The following LRP1B variants were observed in gnomAD, a reference collection of about 807,000 sequenced individuals.
LRP1B encodes the protein LDL receptor related protein 1B.
LRP1B carries 217 observed loss-of-function variants against 556.6 expected under a neutral mutation model. That is an observed-to-expected ratio of 0.39 (90% CI 0.35 to 0.44). The LOEUF (loss-of-function observed/expected upper bound fraction) is 0.44. Ranked by LOEUF, LRP1B falls within the 20% of genes least tolerant of loss-of-function variation. The pLI, the probability that LRP1B is intolerant of heterozygous loss-of-function variation, is 1.00. For synonymous variants in LRP1B, 2,047 were observed against 1,865.8 expected (o/e 1.10, Z -2.50); for missense variants, 5,053 against 5,620.8 (o/e 0.90, Z 3.23).
intron 1 of LRP1B, among the ~76,000 whole-genome samples, chr2:142,080,449 C>T (rs969833387): frequency 1.3e-4 from 20 of 151,926 alleles, no homozygotes; most frequent in South Asian, 2.1e-4. Context: ...ATTCACATTT[C>T]GGTCTTTGTC....
chr2:140,728,765 C>A (rs1687679533), intron 35 of LRP1B, among the ~76,000 whole-genome samples: 1 of 151,978 alleles, frequency 6.6e-6, no homozygotes, highest in Non-Finnish European at 1.5e-5. Context: ...TGACTAAAGC[C>A]TTAGATATTG....
chr2:140,736,843 C>T (rs907251462), intron 35 of LRP1B, among the ~76,000 whole-genome samples: 1 of 152,122 alleles, frequency 6.6e-6, no homozygotes, highest in Admixed American at 6.6e-5. Flanking sequence ...CTTCTCACCC[C>T]CTACTGCCTG....
intron 2 of LRP1B, among the ~76,000 whole-genome samples, chr2:141,504,624 T>G (rs1683854067): frequency 6.6e-6 from 1 of 152,046 alleles, no homozygotes; most frequent in African/African-American, 2.4e-5. Context: ...ATCTACAATG[T>G]GGGTGCCCAA....
chr2:141,981,493 G>T (rs1225732877), intron 1 of LRP1B, among the ~76,000 whole-genome samples: 2 of 152,056 alleles, frequency 1.3e-5, no homozygotes, highest in Non-Finnish European at 2.9e-5. Flanking sequence ...AGTTAAGAGG[G>T]GTCCAGAGAA....
chr2:140,791,551 G>T (rs1314944110), intron 32 of LRP1B, among the ~76,000 whole-genome samples: 3 of 152,162 alleles, frequency 2.0e-5, no homozygotes, highest in African/African-American at 7.2e-5. Flanking sequence ...ATGTTATTTT[G>T]TCCTGATAGA....
intron 3 of LRP1B, among the ~76,000 whole-genome samples, chr2:141,480,159 T>TTTTG (rs1166817357): frequency 1.2e-4 from 18 of 149,970 alleles, no homozygotes; most frequent in African/African-American, 2.7e-4. Context: ...AAGTCTAAAT[T>TTTTG]TGTGTGTGTG....
chr2:140,492,685 G>A lies in LRP1B; in HGVS notation c.9043C>T (p.Pro3015Ser), dbSNP rs1425759451. Residue 3015 changes from proline to serine, a missense_variant, in exon 57 of 91, where the codon CCT (proline) becomes TCT (serine). Pro to Ser is a moderately conservative substitution (Grantham distance 74). Transcript: ENST00000389484. ...TGATGATCAGCAAGAATTAAAAAAG[G>A]TTCTTCATCTAAACACCAACACAAA... ...NGCKSLSDEE[P>S]FLILADHHEI... is the part of the protein sequence containing the mutation. 1 of 1,609,138 alleles carries A rather than the reference G, an allele frequency of 6.2e-7. No homozygotes were observed. Among genetic ancestry groups the A allele is most frequent in the Admixed American group, 1.7e-5 (1 of 59,986 alleles).
intron 3 of LRP1B, among the ~76,000 whole-genome samples, chr2:141,410,804 T>C (rs1331218486): frequency 6.6e-6 from 1 of 152,002 alleles, no homozygotes; most frequent in Non-Finnish European, 1.5e-5. Context: ...TCAAATTAGG[T>C]CATCATAGTT....
chr2:141,474,891 C>G (rs548599273), intron 3 of LRP1B, among the ~76,000 whole-genome samples: 107 of 152,168 alleles, frequency 7.0e-4, no homozygotes, highest in Admixed American at 7.8e-4. Flanking sequence ...ACATGTTATT[C>G]TCTTAGATTT....
chr2:141,606,751 G>A (rs969230289), intron 2 of LRP1B, among the ~76,000 whole-genome samples: 1 of 152,150 alleles, frequency 6.6e-6, no homozygotes, highest in Non-Finnish European at 1.5e-5. Flanking sequence ...AACCAACCCT[G>A]CCAACACCTT....
chr2:140,235,253 A>G (rs1416813699), intron 89 of LRP1B, among the ~76,000 whole-genome samples: 3 of 151,210 alleles, frequency 2.0e-5, no homozygotes, highest in African/African-American at 4.8e-5. Flanking sequence ...AGTCAAATCA[A>G]TTTTATTAAC....
chr2:141,336,636 G>A (rs1175501850), intron 3 of LRP1B, among the ~76,000 whole-genome samples: 1 of 152,034 alleles, frequency 6.6e-6, no homozygotes, highest in Non-Finnish European at 1.5e-5. Context: ...ATAGATTGAT[G>A]TAACCATCAT....
chr2:141,367,389 A>G (rs1336490616), intron 3 of LRP1B, among the ~76,000 whole-genome samples: 5 of 151,006 alleles, frequency 3.3e-5, no homozygotes, highest in Admixed American at 6.6e-5. Flanking sequence ...CACTTGAAAT[A>G]GTCAGATTTC....
intron 3 of LRP1B, among the ~76,000 whole-genome samples, chr2:141,413,497 G>A (rs1392489328): frequency 6.6e-6 from 1 of 152,122 alleles, no homozygotes; most frequent in Non-Finnish European, 1.5e-5. Flanking sequence ...ATGCAGCCCG[G>A]CCAACACCAT....
chr2:140,728,557 G>GAAAAAAGCAGA (rs1214575390), intron 35 of LRP1B, among the ~76,000 whole-genome samples: 2 of 152,038 alleles, frequency 1.3e-5, no homozygotes, highest in African/African-American at 4.8e-5. Flanking sequence ...TTTTCAGTAA[G>GAAAAAAGCAGA]AAAAAAGCAG....
intron 37 of LRP1B, among the ~76,000 whole-genome samples, chr2:140,705,398 C>A (rs558726041): frequency 1.3e-5 from 2 of 151,646 alleles, no homozygotes; most frequent in African/African-American, 4.8e-5. Context: ...GTGGCATGTG[C>A]CTGTAGTCCC....
intron 3 of LRP1B, among the ~76,000 whole-genome samples, chr2:141,403,412 G>T (rs931200570): frequency 1.3e-5 from 2 of 151,906 alleles, no homozygotes; most frequent in Admixed American, 6.6e-5. Context: ...CTCAATAAAG[G>T]TATGTAATAT....
rs150161228 is a variant in LRP1B, at chr2:141,089,801, A to C, written c.1014-27528T>G. On this transcript the variant is annotated intron_variant, in intron 7 of 90. Coordinates refer to ENST00000389484, the MANE Select transcript of LRP1B (RefSeq NM_018557.3). Reference sequence around the variant, plus strand: ...CTGGGCTGCCACAGGGCAGCAAAGGAGTCTACAGCTGTAAGAGACAGTGCT... The same window carrying C: ...CTGGGCTGCCACAGGGCAGCAAAGGCGTCTACAGCTGTAAGAGACAGTGCT... Among the ~76,000 whole-genome samples, 92 of 152,332 alleles carry C rather than the reference A, an allele frequency of 6.0e-4. No individual in the cohort carries two copies. In the East Asian group the frequency reaches 0.017, roughly 28 times the overall value.
At chr2:141,216,966 C>T (rs1032269333) in intron 6 of LRP1B, among the ~76,000 whole-genome samples, 1 of 152,024 alleles carries the variant, frequency 6.6e-6, no homozygotes, top group African/African-American at 2.4e-5. Flanking sequence ...AGACTTGGGA[C>T]TTTTAATTGA....
Sources: gnomAD v4.1 joint callset for allele counts (sites outside exome capture counted in the v4.1 genomes callset) on GRCh38, gnomAD v4.1.1 for gene constraint, MANE v1.5 for transcripts, NCBI Gene and HGNC (gene_info 2026-07-23, HGNC 2026-07-21) for gene names.